PPP3CA: variants seen among roughly 807,000 people sequenced by gnomAD.
PPP3CA encodes the protein CAM-PRP catalytic subunit.
PPP3CA carries 14 observed loss-of-function variants against 66.5 expected under a neutral mutation model. The observed-to-expected ratio is 0.21, with a 90% CI of 0.14 to 0.33. The LOEUF is 0.33. Ranked by LOEUF, PPP3CA falls within the 10% of genes least tolerant of loss-of-function variation. The pLI is 1.00. For synonymous variants in PPP3CA, 232 were observed against 226.2 expected (o/e 1.03, Z -0.23); for missense variants, 317 against 639.5 (o/e 0.50, Z 5.44).
rs534445718 is a variant in PPP3CA, at chr4:101,100,591, T to G, written c.385-869A>C. Reference sequence around the variant, plus strand: ...AATGAGCATTAAGTCAACTGGAATATTCAAGTATTAACATCAGTAATTTGT... The same window carrying G: ...AATGAGCATTAAGTCAACTGGAATAGTCAAGTATTAACATCAGTAATTTGT... On this transcript the variant is annotated intron_variant, in intron 3 of 13. Coordinates refer to ENST00000394854, the MANE Select transcript of PPP3CA (RefSeq NM_000944.5). Among the ~76,000 whole-genome samples the G allele has an allele frequency of 6.4e-4, 98 of 152,286 alleles. 2 individuals carry two copies. In the Middle Eastern group the frequency reaches 0.017, roughly 26 times the overall value.
At chr4:101,069,466 T>G (rs1728820211) in intron 8 of PPP3CA, among the ~76,000 whole-genome samples, 1 of 152,168 alleles carries the variant, frequency 6.6e-6, no homozygotes, top group African/African-American at 2.4e-5. Flanking sequence ...CAACACCTTT[T>G]CAAACTTTGT....
intron 1 of PPP3CA, among the ~76,000 whole-genome samples, chr4:101,265,219 C>T (rs1346687218): frequency 1.3e-5 from 2 of 152,094 alleles, no homozygotes; most frequent in Non-Finnish European, 2.9e-5. Flanking sequence ...TGGGCTTAAG[C>T]GATCCTCCTG....
chr4:101,061,874 T>C (rs1728477432), intron 9 of PPP3CA, among the ~76,000 whole-genome samples: 2 of 152,032 alleles, frequency 1.3e-5, no homozygotes, highest in Non-Finnish European at 2.9e-5. Flanking sequence ...TGAAATTAGA[T>C]TGGATTCTAC....
At chr4:101,235,431 T>TCACACACACACACACACACACACA (rs57851713) in intron 1 of PPP3CA, among the ~76,000 whole-genome samples, 4 of 148,170 alleles carry the variant, frequency 2.7e-5, no homozygotes, top group Non-Finnish European at 6.0e-5. Context: ...AAACATACAC[T>TCACACACACACACACACACACACA]CACACACACA....
At chr4:101,068,280 T>G (rs1218569420) in intron 8 of PPP3CA, among the ~76,000 whole-genome samples, 1 of 152,082 alleles carries the variant, frequency 6.6e-6, no homozygotes, top group East Asian at 1.9e-4. Flanking sequence ...CCCAGGATGT[T>G]TTTTCCTTCC....
At chr4:101,321,729 G>A (rs1181678475) in intron 1 of PPP3CA, among the ~76,000 whole-genome samples, 1 of 152,136 alleles carries the variant, frequency 6.6e-6, no homozygotes, top group African/African-American at 2.4e-5. Flanking sequence ...AAAGAGCTTG[G>A]TACTACGGCT....
rs547899544 is a variant in PPP3CA, at chr4:101,059,567, G to C, written c.1156+1520C>G. Among the ~76,000 whole-genome samples the C allele has an allele frequency of 2.6e-5, 4 of 152,184 alleles. No homozygotes were observed. The South Asian group carries it at 8.3e-4, about 32-fold the overall frequency. ...TTTTGCCTGCAGCATTAGGTATTTTGCATTTATACCCATGACCTGTATCAA... is the reference window on the plus strand; with the variant it reads ...TTTTGCCTGCAGCATTAGGTATTTTCCATTTATACCCATGACCTGTATCAA... On this transcript the variant is annotated intron_variant, in intron 10 of 13. Transcript: ENST00000394854.
intron 1 of PPP3CA, among the ~76,000 whole-genome samples, chr4:101,214,129 T>C (rs765151176): frequency 6.6e-6 from 1 of 152,182 alleles, no homozygotes; most frequent in Non-Finnish European, 1.5e-5. Context: ...ATAAGAGATT[T>C]AGTCCTTATT....
At chr4:101,109,214 A>G in intron 2 of PPP3CA, 136 bp from the exon 3 acceptor site, 1 of 947,082 alleles carries the variant, frequency 1.1e-6, no homozygotes, top group Non-Finnish European at 1.5e-6. Context: ...AACAAGAAGT[A>G]CGACAGAAAA....
At chr4:101,139,734 GT>G (rs1194312186) in intron 2 of PPP3CA, among the ~76,000 whole-genome samples, 11 of 62,904 alleles carry the variant, frequency 1.7e-4, no homozygotes, top group Non-Finnish European at 2.6e-4. Flanking sequence ...GTTGCTGTTT[GT>G]TGGGTTTGCT....
chr4:101,026,774 G>A (rs1348506058), intron 13 of PPP3CA, among the ~76,000 whole-genome samples: 3 of 152,056 alleles, frequency 2.0e-5, no homozygotes, highest in African/African-American at 4.8e-5. Flanking sequence ...GAAATGTATC[G>A]TCTGCCCTTC....
chr4:101,135,042 G>A (rs1334495070), intron 2 of PPP3CA, among the ~76,000 whole-genome samples: 1 of 152,010 alleles, frequency 6.6e-6, no homozygotes, highest in Non-Finnish European at 1.5e-5. Flanking sequence ...GCACAAGGAG[G>A]GGAACATCAC....
intron 1 of PPP3CA, among the ~76,000 whole-genome samples, chr4:101,216,787 G>A (rs1439140602): frequency 1.3e-5 from 2 of 152,018 alleles, no homozygotes; most frequent in Admixed American, 6.6e-5. Context: ...CTGGGCTCTC[G>A]CAATCAGTCC....
rs887470807 is a variant in PPP3CA at position 101,346,900 on chromosome 4, G to T, written c.-104C>A. The stretch of plus-strand genomic sequence containing the variant: ...CAACGCCGCCGCCGCCGCCGCCGCC[G>T]CCGCGCTGCAAACCGCTCGGCTGGA... On this transcript the variant is annotated 5_prime_UTR_variant, in exon 1 of 14. Transcript: ENST00000394854. 2 of 1,390,024 alleles carry T rather than the reference G, an allele frequency of 1.4e-6. No individual in the cohort carries two copies. Among genetic ancestry groups the T allele is most frequent in the Non-Finnish European group, 2.0e-6 (2 of 1,008,798 alleles). 86.1% of individuals were successfully genotyped at this position (1,390,024 alleles called of 1,614,324 possible).
intron 9 of PPP3CA, among the ~76,000 whole-genome samples, chr4:101,062,303 T>C (rs552296990): frequency 5.9e-5 from 9 of 152,150 alleles, no homozygotes; most frequent in African/African-American, 2.2e-4. Flanking sequence ...TATTTTGATA[T>C]TCAAAGGGAA....
intron 2 of PPP3CA, among the ~76,000 whole-genome samples, chr4:101,145,485 T>C (rs543462111): frequency 6.6e-6 from 1 of 152,170 alleles, no homozygotes; most frequent in Admixed American, 6.5e-5. Context: ...ACAACATGGA[T>C]GGAAATGGAG....
intron 2 of PPP3CA, among the ~76,000 whole-genome samples, chr4:101,159,440 T>C (rs997839458): frequency 6.6e-6 from 1 of 152,092 alleles, no homozygotes; most frequent in Non-Finnish European, 1.5e-5. Flanking sequence ...TGGGTTTACA[T>C]TATCTAAGGG....
At chr4:101,267,502 G>A (rs1389263549) in intron 1 of PPP3CA, among the ~76,000 whole-genome samples, 2 of 152,074 alleles carry the variant, frequency 1.3e-5, no homozygotes, top group African/African-American at 2.4e-5. Flanking sequence ...ACTGTGCTAC[G>A]ACTCCTGCTT....
chr4:101,189,542 C>T (rs891039357), intron 2 of PPP3CA, among the ~76,000 whole-genome samples: 8 of 152,026 alleles, frequency 5.3e-5, no homozygotes, highest in South Asian at 2.1e-4. Context: ...TCTGGCACTT[C>T]GTAGCTGGGT....
Sources: gnomAD v4.1 joint callset for allele counts (sites outside exome capture counted in the v4.1 genomes callset) on GRCh38, gnomAD v4.1.1 for gene constraint, MANE v1.5 for transcripts, NCBI Gene and HGNC (gene_info 2026-07-23, HGNC 2026-07-21) for gene names.